Variants in USF3 observed in about 807,000 individuals in gnomAD.
USF3 encodes the protein upstream transcription factor family member 3, also known as basic helix-loop-helix domain-containing protein USF3.
A neutral mutation model predicts 157.5 loss-of-function variants in USF3; 29 were observed. That is an observed-to-expected ratio of 0.18 (90% confidence interval 0.14 to 0.25). USF3 has a LOEUF of 0.25. Among genes scored for constraint, USF3 ranks in the 10% least tolerant of loss-of-function variants. The pLI is 1.00. For synonymous variants in USF3, 893 were observed against 941.4 expected (o/e 0.95, Z 0.94); for missense variants, 2,381 against 2,667.6 (o/e 0.89, Z 2.37).
intron 3 of USF3, among the ~76,000 whole-genome samples, chr3:113,674,481 T>G (rs1296599948): frequency 6.6e-6 from 1 of 152,156 alleles, no homozygotes; most frequent in Non-Finnish European, 1.5e-5. Flanking sequence ...TAGCTGGAAC[T>G]ACAGGTACAT....
chr3:113,695,987 G>A (rs908263653), intron 1 of USF3, among the ~76,000 whole-genome samples: 2 of 152,254 alleles, frequency 1.3e-5, no homozygotes, highest in African/African-American at 4.8e-5. Flanking sequence ...AAGAAGACAG[G>A]AAAAGGTGAA....
Position 113,659,853 on chromosome 3 carries a change from T to C in USF3, c.1829A>G (p.Asn610Ser). ...GSVRLPINGA[N>S]TVIGSNNSVQ... The stretch of plus-strand genomic sequence containing the variant: ...TGAATTATTAGACCCTATTACAGTA[T>C]TGGCTCCATTGATGGGGAGTCGAAC... Residue 610 changes from asparagine (N) to serine (S), a missense_variant, in exon 7 of 7, where the codon AAT becomes AGT. By Grantham distance (46) the Asn-to-Ser change is conservative. This residue lies in a region of USF3 where 1,435 missense variants were observed against 1,550.9 expected (regional missense o/e 0.93). Transcript: ENST00000316407. 5 of 1,614,190 alleles carry C rather than the reference T, an allele frequency of 3.1e-6. No homozygotes were observed. The highest frequency in any genetic ancestry group is 2.2e-5 in the South Asian group (2 of 91,084).
At chr3:113,664,131 GAGAA>G (rs1359351110) in intron 6 of USF3, among the ~76,000 whole-genome samples, 178 bp downstream of exon 6, 2 of 152,158 alleles carry the variant, frequency 1.3e-5, no homozygotes, top group East Asian at 3.8e-4. Flanking sequence ...GCTCACAGAG[GAGAA>G]AGAGTTAGAC....
In USF3 at chr3:113,655,044, A is replaced by G. The variant is rs1947328626; in HGVS notation, c.6638T>C (p.Ile2213Thr). ...DGSAMSPLLT[I>T]ANSSASDSSK... is the part of the protein sequence containing the mutation. ...AGAGTCAGAGGCAGAGGAATTTGCTATTGTAAGCAAAGGTGACATTGCTGA... is the reference window on the plus strand; with the variant it reads ...AGAGTCAGAGGCAGAGGAATTTGCTGTTGTAAGCAAAGGTGACATTGCTGA... Residue 2213 changes from isoleucine to threonine, a missense_variant, in exon 7 of 7, where the codon ATA becomes ACA. Coordinates refer to ENST00000316407, the MANE Select transcript of USF3 (RefSeq NM_001009899.4). 11 of 1,614,070 alleles carry G rather than the reference A, an allele frequency of 6.8e-6. No individual in the cohort carries two copies. The highest frequency in any genetic ancestry group is 1.6e-4 in the Middle Eastern group (1 of 6,084).
In USF3 at chr3:113,677,314, T is replaced by A. The variant is rs1707303494; in HGVS notation, c.-51A>T. 6.6e-6 allele frequency: 1 copy of A among 152,214 alleles called. No homozygotes were observed. Among genetic ancestry groups the A allele is most frequent in the Non-Finnish European group, 1.5e-5 (1 of 68,042 alleles). The allele number at this position is 152,214 out of a possible 1,614,324, so 9.4% of individuals were successfully genotyped here. The stretch of plus-strand genomic sequence containing the variant: ...CTTGCAGAGTTTCTTCACTTTTGAT[T>A]CCTGGCTTCCAATGCCTCCCGTTTC... On this transcript the variant is annotated 5_prime_UTR_variant, in exon 2 of 7. Coordinates refer to ENST00000316407, the MANE Select transcript of USF3 (RefSeq NM_001009899.4).
chr3:113,687,320 CTTG>C (rs1228053652), intron 1 of USF3, among the ~76,000 whole-genome samples: 1 of 151,682 alleles, frequency 6.6e-6, no homozygotes, highest in African/African-American at 2.4e-5. Flanking sequence ...CCAGGCTCAT[CTTG>C]TGTTTCCCCT....
rs1349964582 is a variant in USF3 at position 113,655,447 on chromosome 3, C to A, written c.6235G>T (p.Ala2079Ser). 1.9e-6 allele frequency: 3 copies of A among 1,613,960 alleles called. No individual in the cohort carries two copies. The Admixed American group carries it at 5.0e-5, about 27-fold the overall frequency. Residue 2079 changes from alanine (A) to serine (S), a missense_variant, in exon 7 of 7, where the codon GCT becomes TCT. Ala to Ser is a moderately conservative substitution (Grantham distance 99). Around this residue, in one of 6 missense-constraint regions of USF3, gnomAD observed 770 missense variants for 824.2 expected, o/e 0.93. Coordinates refer to ENST00000316407, the MANE Select transcript of USF3 (RefSeq NM_001009899.4). The stretch of plus-strand genomic sequence containing the variant: ...ACCTGTGGAATGAAAGAAGCATTAG[C>A]ATTTATTGGTGGATTCATGCCACCC... Reference protein sequence around the residue: ...PEGGMNPPINANASFIPQVTQ... With the variant: ...PEGGMNPPINSNASFIPQVTQ...
chr3:113,692,208 G>A (rs1707701817), intron 1 of USF3, among the ~76,000 whole-genome samples: 1 of 152,130 alleles, frequency 6.6e-6, no homozygotes, highest in African/African-American at 2.4e-5. Context: ...CTGCCTTAGA[G>A]GTTAGACTAA....
Position 113,653,121 on chromosome 3 carries a change from T to C in USF3, c.*1823A>G. 1 of 193,396 alleles carries C rather than the reference T, an allele frequency of 5.2e-6. No homozygotes were observed. The highest frequency in any genetic ancestry group is 1.3e-4 in the East Asian group (1 of 7,888). 12.0% of individuals were successfully genotyped at this position (193,396 alleles called of 1,614,324 possible). A position where few individuals can be genotyped will look rare whatever the true frequency, so the allele number is the denominator to read the frequency against. On this transcript the variant is annotated 3_prime_UTR_variant, in exon 7 of 7. Coordinates refer to ENST00000316407, the MANE Select transcript of USF3 (RefSeq NM_001009899.4). Reference sequence around the variant, plus strand: ...GAGTTCACTTTGTTAACAAGGCAGATAAAACAATTTCTATGCATCTCTCCC... The same window carrying C: ...GAGTTCACTTTGTTAACAAGGCAGACAAAACAATTTCTATGCATCTCTCCC...
At chr3:113,674,623 G>A (rs756966350) in intron 3 of USF3, among the ~76,000 whole-genome samples, 5 of 152,240 alleles carry the variant, frequency 3.3e-5, no homozygotes, top group African/African-American at 9.6e-5. Flanking sequence ...GATTATAGGC[G>A]TGAGCCACCA....
chr3:113,685,189 T>C (rs942651996), intron 1 of USF3, among the ~76,000 whole-genome samples: 2 of 152,138 alleles, frequency 1.3e-5, no homozygotes, highest in Non-Finnish European at 2.9e-5. Flanking sequence ...TCTTCCCTTA[T>C]TTTCCCCCAA....
chr3:113,670,271 G>A, intron 4 of USF3, 68 bp from the exon 5 acceptor site: 1 of 900,018 alleles, frequency 1.1e-6, no homozygotes. Context: ...TTCAACCACG[G>A]TAAAGAAGTT....
chr3:113,679,573 C>T (rs888051351), intron 1 of USF3, among the ~76,000 whole-genome samples: 2 of 151,952 alleles, frequency 1.3e-5, no homozygotes, highest in Non-Finnish European at 2.9e-5. Context: ...GGCACCATAC[C>T]CAGCTAATTT....
Position 113,649,883 on chromosome 3 carries a change from T to C in USF3, c.*5061A>G, listed in dbSNP as rs1044477795. The C allele has an allele frequency of 2.6e-5, 18 of 701,784 alleles. No individual in the cohort carries two copies. In the Admixed American group the frequency reaches 3.4e-4, roughly 13 times the overall value. 43.5% of individuals were successfully genotyped at this position (701,784 alleles called of 1,614,324 possible). On this transcript the variant is annotated 3_prime_UTR_variant, in exon 7 of 7. Coordinates refer to ENST00000316407, the MANE Select transcript of USF3 (RefSeq NM_001009899.4). ...TGAAGAATAGAATGCAGACAGAATA[T>C]AGTTAAATCCAAAAAAGGCCCTTTT...
chr3:113,678,150 G>T (rs1366756370), intron 1 of USF3, among the ~76,000 whole-genome samples: 1 of 151,896 alleles, frequency 6.6e-6, no homozygotes, highest in African/African-American at 2.4e-5. Context: ...TTTAATAAGT[G>T]CCCCAGGTGA....
rs1252137977 is a variant in USF3, at chr3:113,652,853, G to A, written c.*2091C>T. 4.0e-6 allele frequency: 1 copy of A among 248,294 alleles called. No individual in the cohort carries two copies. The highest frequency in any genetic ancestry group is 2.3e-5 in the African/African-American group (1 of 43,088). The allele number at this position is 248,294 out of a possible 1,614,324, so 15.4% of individuals were successfully genotyped here. The stretch of plus-strand genomic sequence containing the variant: ...GACCTGTAATCTCAGCTACTCGGGA[G>A]GCTGAGGCTCAAGAATTTGCTTGAA... On this transcript the variant is annotated 3_prime_UTR_variant, in exon 7 of 7. Transcript: ENST00000316407.
intron 6 of USF3, among the ~76,000 whole-genome samples, chr3:113,662,809 T>G (rs189465816): frequency 6.6e-6 from 1 of 152,114 alleles, no homozygotes; most frequent in African/African-American, 2.4e-5. Flanking sequence ...TTAATCCTCA[T>G]AAGAACCATG....
chr3:113,681,724 AT>A (rs1204782097), intron 1 of USF3, among the ~76,000 whole-genome samples: 282 of 143,910 alleles, frequency 2.0e-3, no homozygotes, highest in African/African-American at 5.5e-3. Flanking sequence ...TAAAAAAAAA[AT>A]TTTTTTTTTT....
intron 1 of USF3, among the ~76,000 whole-genome samples, chr3:113,684,047 A>C (rs1436053528): frequency 6.6e-6 from 1 of 152,200 alleles, no homozygotes; most frequent in Non-Finnish European, 1.5e-5. Flanking sequence ...TCTGGTGTTG[A>C]CAAAAAACCT....
Sources: gnomAD v4.1 joint callset for allele counts (sites outside exome capture counted in the v4.1 genomes callset) on GRCh38, gnomAD v4.1.1 for gene constraint, gnomAD v4.1.1 regional missense constraint, MANE v1.5 for transcripts, NCBI Gene and HGNC (gene_info 2026-07-23, HGNC 2026-07-21) for gene names.